ACBD6: variants seen among roughly 807,000 people sequenced by gnomAD.
The protein encoded by ACBD6 is acyl-CoA-binding domain-containing protein 6.
Under a neutral mutation model 37.2 loss-of-function variants are expected in ACBD6, and 28 were observed. The ratio of observed to expected loss-of-function variants is 0.75; its 90% CI spans 0.56 to 1.03. The LOEUF (loss-of-function observed/expected upper bound fraction) is 1.03, where lower values mean the gene tolerates loss of function less well. ACBD6 is among the 50% of genes least tolerant of loss of function. ACBD6 has a pLI of 0.00. For missense variants in ACBD6, 340 were observed against 337.4 expected, an observed-to-expected ratio of 1.01 and a Z score of -0.06; for synonymous variants, 113 against 126.8, an observed-to-expected ratio of 0.89 and a Z score of 0.73.
intron 4 of ACBD6, 39 bp from the exon 5 acceptor site, chr1:180,413,510 A>G: frequency 7.1e-7 from 1 of 1,415,750 alleles, no homozygotes; most frequent in South Asian, 1.1e-5. Context: ...TTACTGGGTA[A>G]TACATTAAAG....
At chr1:180,327,369 C>A (rs951618917) in intron 6 of ACBD6, among the ~76,000 whole-genome samples, 1 of 152,164 alleles carries the variant, frequency 6.6e-6, no homozygotes, top group African/African-American at 2.4e-5. Context: ...GATTCTCTCT[C>A]CACGCCACAG....
intron 7 of ACBD6, among the ~76,000 whole-genome samples, chr1:180,293,720 C>A (rs1030720061): frequency 7.2e-5 from 11 of 152,068 alleles, no homozygotes; most frequent in African/African-American, 2.7e-4. Context: ...ATAGAGCTAT[C>A]CAGATTTTCT....
At chr1:180,307,330 G>A (rs537877143) in intron 7 of ACBD6, among the ~76,000 whole-genome samples, 123 of 152,268 alleles carry the variant, frequency 8.1e-4, no homozygotes, top group African/African-American at 2.8e-3. Flanking sequence ...CATAGATAGA[G>A]AGTAGAGGGA....
At chr1:180,415,120 C>CA (rs1047269727) in intron 4 of ACBD6, among the ~76,000 whole-genome samples, 32 of 151,034 alleles carry the variant, frequency 2.1e-4, no homozygotes, top group Admixed American at 6.6e-4. Flanking sequence ...AACAAACAAA[C>CA]AAAAAAAACC....
chr1:180,487,464 G>GC (rs1465939557), intron 3 of ACBD6, among the ~76,000 whole-genome samples: 1 of 152,126 alleles, frequency 6.6e-6, no homozygotes, highest in Non-Finnish European at 1.5e-5. Flanking sequence ...CTTTTGTCTA[G>GC]CCAGTATAGT....
chr1:180,358,576 A>G (rs753371767), intron 6 of ACBD6, among the ~76,000 whole-genome samples: 1 of 152,020 alleles, frequency 6.6e-6, no homozygotes, highest in African/African-American at 2.4e-5. Context: ...CCCAAAAGAA[A>G]AACAATTTTA....
chr1:180,327,058 T>C (rs958016463), intron 6 of ACBD6, among the ~76,000 whole-genome samples: 11 of 152,180 alleles, frequency 7.2e-5, no homozygotes, highest in African/African-American at 2.7e-4. Context: ...CCTGGTCCAC[T>C]GTCTCTAAGC....
At chr1:180,499,858 T>C (rs1170958259) in intron 1 of ACBD6, among the ~76,000 whole-genome samples, 1 of 152,218 alleles carries the variant, frequency 6.6e-6, no homozygotes, top group Non-Finnish European at 1.5e-5. Context: ...CATTTGTTCC[T>C]ACAGCTTTCT....
chr1:180,340,611 A>G (rs1267254254), intron 6 of ACBD6, among the ~76,000 whole-genome samples: 1 of 152,036 alleles, frequency 6.6e-6, no homozygotes, highest in Non-Finnish European at 1.5e-5. Context: ...ATCTACACAG[A>G]AGAGAGAGAA....
intron 6 of ACBD6, among the ~76,000 whole-genome samples, chr1:180,316,422 G>A (rs192000147): frequency 1.1e-4 from 16 of 152,030 alleles, no homozygotes; most frequent in East Asian, 9.7e-4. Context: ...CCTGCATTAG[G>A]AAGCAATTTC....
intron 6 of ACBD6, among the ~76,000 whole-genome samples, chr1:180,338,422 T>C (rs1171607513): frequency 7.9e-5 from 12 of 152,108 alleles, no homozygotes; most frequent in Non-Finnish European, 1.3e-4. Context: ...AAACAAGCAA[T>C]GGGGAAAGGA....
chr1:180,295,164 T>C (rs1047467116), intron 7 of ACBD6, among the ~76,000 whole-genome samples: 4 of 152,216 alleles, frequency 2.6e-5, no homozygotes, highest in African/African-American at 9.6e-5. Flanking sequence ...GGGCTTAATT[T>C]GCCCTTCTTT....
rs549687058 is a variant in ACBD6 at position 180,346,187 on chromosome 1, G to T, written c.664-31465C>A. Among the ~76,000 whole-genome samples the T allele has an allele frequency of 3.3e-5, 5 of 152,328 alleles. No individual in the cohort carries two copies. The East Asian group carries it at 9.6e-4, about 29-fold the overall frequency. On this transcript the variant is annotated intron_variant, in intron 6 of 7. Coordinates refer to ENST00000367595, the MANE Select transcript of ACBD6 (RefSeq NM_032360.4). ...GAAAAGATCCCGTACCAAGGACCAA[G>T]TAGTCACAAACTACATCGTGGAGTA...
At chr1:180,432,833 A>G (rs368784943) in intron 3 of ACBD6, among the ~76,000 whole-genome samples, 3 of 152,092 alleles carry the variant, frequency 2.0e-5, no homozygotes, top group African/African-American at 7.2e-5. Flanking sequence ...CTGGAAACAT[A>G]CAATCTACCA....
intron 3 of ACBD6, among the ~76,000 whole-genome samples, chr1:180,489,162 T>C (rs1480998309): frequency 6.6e-6 from 1 of 151,606 alleles, no homozygotes; most frequent in Non-Finnish European, 1.5e-5. Context: ...AGAGACTCCA[T>C]CTCAAAAAAA....
At chr1:180,322,197 C>T (rs1181447858) in intron 6 of ACBD6, among the ~76,000 whole-genome samples, 1 of 152,064 alleles carries the variant, frequency 6.6e-6, no homozygotes, top group Admixed American at 6.5e-5. Context: ...ATCCTTGCAT[C>T]CCTGTAATAA....
chr1:180,471,283 A>G (rs1571553495), intron 3 of ACBD6, among the ~76,000 whole-genome samples: 1 of 151,840 alleles, frequency 6.6e-6, no homozygotes, highest in Non-Finnish European at 1.5e-5. Context: ...TGGCTGTAGT[A>G]CCAGCTACTC....
chr1:180,271,569 C>G, exon 14 of ACBD6: 1 of 1,611,888 alleles, frequency 6.2e-7, no homozygotes, highest in Non-Finnish European at 8.5e-7. Flanking sequence ...CTCCGGGGAT[C>G]CCAGGCCCGG....
At chr1:180,386,817 T>C (rs1019295252) in intron 6 of ACBD6, among the ~76,000 whole-genome samples, 6 of 124,400 alleles carry the variant, frequency 4.8e-5, no homozygotes, top group African/African-American at 1.5e-4. Flanking sequence ...TCCACTTGTT[T>C]CAAGAATGTT....
Sources: gnomAD v4.1 joint callset for allele counts (sites outside exome capture counted in the v4.1 genomes callset) on GRCh38, gnomAD v4.1.1 for gene constraint, MANE v1.5 for transcripts, NCBI Gene and HGNC (gene_info 2026-07-23, HGNC 2026-07-21) for gene names.